Variants in TMPRSS7 observed in about 807,000 individuals in gnomAD.
TMPRSS7 encodes the protein transmembrane serine protease 7, also known as transmembrane protease serine 7.
A neutral mutation model predicts 95.6 loss-of-function variants in TMPRSS7; 81 were observed. That is an observed-to-expected ratio of 0.85 (90% CI 0.71 to 1.02). TMPRSS7 has a LOEUF of 1.02. Among genes scored for constraint, TMPRSS7 ranks in the 50% least tolerant of loss-of-function variants. The pLI, the probability that TMPRSS7 is intolerant of heterozygous loss-of-function variation, is 0.00. For synonymous variants in TMPRSS7, 364 were observed against 337.8 expected (o/e 1.08, Z -0.85); for missense variants, 945 against 955.2 (o/e 0.99, Z 0.14).
At chr3:112,074,433 T>A (rs1347735229) in intron 14 of TMPRSS7, 21 bp downstream of exon 14, 1 of 1,555,226 alleles carries the variant, frequency 6.4e-7, no homozygotes, top group Non-Finnish European at 8.9e-7. Flanking sequence ...ATTCATTCCT[T>A]TGGGTTCCTG....
intron 15 of TMPRSS7, among the ~76,000 whole-genome samples, chr3:112,075,795 A>G (rs2073705032): frequency 6.6e-6 from 1 of 152,228 alleles, no homozygotes; most frequent in Non-Finnish European, 1.5e-5. Context: ...AAAAATGGGC[A>G]CTGGAGAGTG....
chr3:112,049,903 T>C (rs2107742526), exon 8 of TMPRSS7: 1 of 1,560,702 alleles, frequency 6.4e-7, no homozygotes, highest in Non-Finnish European at 8.8e-7. Context: ...CTCATGTTGG[T>C]GACATTTAAG....
At chr3:112,063,216 C>T (rs2073532675) in intron 11 of TMPRSS7, among the ~76,000 whole-genome samples, 2 of 151,764 alleles carry the variant, frequency 1.3e-5, no homozygotes, top group Admixed American at 1.3e-4. Context: ...TCACATTCTT[C>T]AGGTATATGA....
exon 15 of TMPRSS7, chr3:112,075,451 G>A (rs943294441): frequency 6.5e-7 from 1 of 1,533,650 alleles, no homozygotes; most frequent in Non-Finnish European, 8.8e-7. Context: ...TCATCTCCAG[G>A]GAGTGGCTTC....
chr3:112,071,727 C>T (rs566640799), intron 13 of TMPRSS7, among the ~76,000 whole-genome samples: 2 of 152,332 alleles, frequency 1.3e-5, no homozygotes, highest in South Asian at 2.1e-4. Flanking sequence ...CTTTCTTCCA[C>T]TTGATGGAAT....
chr3:112,056,686 T>C (rs969252155), intron 9 of TMPRSS7, among the ~76,000 whole-genome samples: 3 of 152,234 alleles, frequency 2.0e-5, no homozygotes, highest in African/African-American at 7.2e-5. Flanking sequence ...TTGTGTCATA[T>C]GTACATTAAA....
intron 13 of TMPRSS7, among the ~76,000 whole-genome samples, chr3:112,067,685 TTC>T: frequency 6.6e-6 from 1 of 152,246 alleles, no homozygotes; most frequent in East Asian, 1.9e-4. Context: ...TTGCTTGTTT[TTC>T]TCTTGTAAAT....
At chr3:112,068,007 A>T (rs989632528) in intron 13 of TMPRSS7, among the ~76,000 whole-genome samples, 2 of 152,198 alleles carry the variant, frequency 1.3e-5, no homozygotes, top group African/African-American at 4.8e-5. Context: ...TAATTTTTGT[A>T]TAAGGTGTAA....
At chr3:112,052,072 A>G (rs1175797377) in intron 9 of TMPRSS7, among the ~76,000 whole-genome samples, 1 of 152,090 alleles carries the variant, frequency 6.6e-6, no homozygotes, top group Non-Finnish European at 1.5e-5. Context: ...AGTAATAAAC[A>G]AACAAGTTAA....
intron 6 of TMPRSS7, 27 bp from the exon 7 acceptor site, chr3:112,047,712 T>G (rs1688304): frequency 0.95 from 1,420,266 of 1,495,818 alleles, 675,925 homozygotes; most frequent in East Asian, 1. Context: ...AAAAAGAAAA[T>G]AAAGGAAAAT....
chr3:112,075,355 C>T, exon 15 of TMPRSS7: 1 of 1,466,778 alleles, frequency 6.8e-7, no homozygotes, highest in East Asian at 2.7e-5. Context: ...TTCACCGCAT[C>T]ATCGGAGGCA....
intron 3 of TMPRSS7, among the ~76,000 whole-genome samples, chr3:112,042,781 C>T (rs1471752938): frequency 6.6e-6 from 1 of 152,170 alleles, no homozygotes; most frequent in Non-Finnish European, 1.5e-5. Flanking sequence ...GCAAAACTGC[C>T]ACATTCTTTG....
intron 1 of TMPRSS7, among the ~76,000 whole-genome samples, chr3:112,037,151 C>T (rs113928801): frequency 0.022 from 3,389 of 152,254 alleles, 124 homozygotes; most frequent in African/African-American, 0.076. Context: ...AGGGAGATAA[C>T]CATTGGGTCT....
exon 16 of TMPRSS7, chr3:112,076,879 G>A (rs377156519): frequency 7.4e-6 from 12 of 1,613,508 alleles, no homozygotes; most frequent in Non-Finnish European, 9.3e-6. Flanking sequence ...CTATCAGGCT[G>A]TCAGATCCCA....
intron 10 of TMPRSS7, 32 bp downstream of exon 10, chr3:112,057,163 G>A (rs1428231145): frequency 1.4e-6 from 2 of 1,470,060 alleles, no homozygotes; most frequent in Admixed American, 1.7e-5. Flanking sequence ...TCATATGTGA[G>A]GCATCTGATG....
chr3:112,045,827 G>T, exon 5 of TMPRSS7: 1 of 1,551,758 alleles, frequency 6.4e-7, no homozygotes, highest in Non-Finnish European at 8.7e-7. Flanking sequence ...CACATCTTCT[G>T]TGAAGACTGT....
intron 12 of TMPRSS7, among the ~76,000 whole-genome samples, chr3:112,064,011 G>A (rs1344189940): frequency 6.6e-6 from 1 of 152,126 alleles, no homozygotes; most frequent in Non-Finnish European, 1.5e-5. Context: ...ATAAGGCCTG[G>A]GCTTGGAACT....
chr3:112,041,077 CAAA>C (rs35859400), intron 2 of TMPRSS7, among the ~76,000 whole-genome samples: 8 of 122,966 alleles, frequency 6.5e-5, no homozygotes, highest in Admixed American at 7.8e-5. Context: ...AGTCTGCAAC[CAAA>C]AAAAAAAAAA....
At chr3:112,036,869 C>T (rs565958860) in intron 1 of TMPRSS7, among the ~76,000 whole-genome samples, 63 of 152,278 alleles carry the variant, frequency 4.1e-4, no homozygotes, top group African/African-American at 1.4e-3. Context: ...TAATTTCTTA[C>T]GCCTGTCTTT....
Sources: allele counts gnomAD v4.1 joint callset (sites outside exome capture counted in the v4.1 genomes callset), GRCh38; gene constraint gnomAD v4.1.1; transcripts MANE v1.5; gene names NCBI Gene and HGNC (gene_info 2026-07-23, HGNC 2026-07-21).